Variants in OR7A5 observed in about 807,000 individuals in gnomAD.
OR7A5 encodes the protein olfactory receptor family 7 subfamily A member 5, also known as olfactory receptor 7A5.
For synonymous variants in OR7A5, 140 were observed against 146.7 expected (o/e 0.95, Z 0.33); for missense variants, 319 against 377.9 (o/e 0.84, Z 1.29).
At chr19:14,828,340 C>A in intron 1 of OR7A5, 86 bp from the exon 2 acceptor site, 1 of 1,290,890 alleles carries the variant, frequency 7.7e-7, no homozygotes. Context: ...TATTTTATAG[C>A]CAATAAATTA....
At chr19:14,831,763 ACTT>A (rs1270742463) in intron 1 of OR7A5, among the ~76,000 whole-genome samples, 1 of 150,864 alleles carries the variant, frequency 6.6e-6, no homozygotes, top group Non-Finnish European at 1.5e-5. Context: ...TTTTTTTGCT[ACTT>A]GTGGACTTTG....
chr19:14,831,725 G>A (rs149661959), intron 1 of OR7A5, among the ~76,000 whole-genome samples: 2,168 of 151,578 alleles, frequency 0.014, 25 homozygotes, highest in South Asian at 0.027. Flanking sequence ...TTACAGGCGT[G>A]AGCCACCGCG....
At position 14,826,516 on chromosome 19, in the gene OR7A5, A is replaced by C. The variant is rs1220400355; in HGVS notation, c.*766T>G. The C allele has an allele frequency of 1.3e-5, 2 of 152,154 alleles. No individual in the cohort carries two copies. The highest frequency in any genetic ancestry group is 2.9e-5 in the Non-Finnish European group (2 of 68,028). The allele number at this position is 152,154 out of a possible 1,614,324, so 9.4% of individuals were successfully genotyped here. A position where few individuals can be genotyped will look rare whatever the true frequency, so the allele number is the denominator to read the frequency against. ...ATCACTCCAATAAATAAACTTATATATGGGCACTAAGCTTCCATACTTCAA... is the reference window on the plus strand; with the variant it reads ...ATCACTCCAATAAATAAACTTATATCTGGGCACTAAGCTTCCATACTTCAA... On this transcript the variant is annotated 3_prime_UTR_variant, in exon 2 of 2. Coordinates refer to ENST00000322301, the MANE Select transcript of OR7A5 (RefSeq NM_017506.2).
At position 14,827,929 on chromosome 19, in the gene OR7A5, T is replaced by C. The variant is rs766919874; in HGVS notation, c.313A>G (p.Ile105Val). 23 of 1,614,046 alleles carry C rather than the reference T, an allele frequency of 1.4e-5. No homozygotes were observed. The highest frequency in any genetic ancestry group is 1.0e-5 in the Non-Finnish European group (12 of 1,180,038). Reference sequence around the variant, plus strand: ...AAGTTTTCAAATCCAGCAAAGAGTATGAAAAAATACATCTGCATGAGGCAG... The same window carrying C: ...AAGTTTTCAAATCCAGCAAAGAGTACGAAAAAATACATCTGCATGAGGCAG... ...IACLMQMYFF[I>V]LFAGFENFLL... Residue 105 changes from isoleucine (I) to valine (V), a missense_variant, in exon 2 of 2, where the codon ATA becomes GTA. Ile to Val is a conservative substitution (Grantham distance 29). Coordinates refer to ENST00000322301, the MANE Select transcript of OR7A5 (RefSeq NM_017506.2).
chr19:14,831,454 TA>T (rs1238187158), intron 1 of OR7A5, among the ~76,000 whole-genome samples: 1 of 152,050 alleles, frequency 6.6e-6, no homozygotes, highest in Non-Finnish European at 1.5e-5. Flanking sequence ...ATTTTATTAT[TA>T]TTTTTTTGAG....
chr19:14,828,980 A>G (rs1339847719), intron 1 of OR7A5, among the ~76,000 whole-genome samples: 1 of 152,140 alleles, frequency 6.6e-6, no homozygotes, highest in Admixed American at 6.6e-5. Context: ...TCAGATGGGA[A>G]CAGGCGCTTG....
At chr19:14,828,355 A>G in intron 1 of OR7A5, 101 bp from the exon 2 acceptor site, 1 of 1,212,664 alleles carries the variant, frequency 8.2e-7, no homozygotes, top group Non-Finnish European at 1.1e-6. Flanking sequence ...AAATTATCTT[A>G]CATTTTGTGT....
chr19:14,828,446 A>G, intron 1 of OR7A5, 192 bp from the exon 2 acceptor site: 2 of 636,868 alleles, frequency 3.1e-6, no homozygotes, highest in East Asian at 3.0e-5. Context: ...AACTGAAGAC[A>G]GCGTACATTC....
Position 14,828,068 on chromosome 19 carries a change from G to T in OR7A5, c.174C>A (p.Pro58=). The T allele has an allele frequency of 6.2e-7, 1 of 1,614,202 alleles. No individual in the cohort carries two copies. ...ACAGGTTGGAGAGGAAGAAGTACATGGGGGTGTGGAGGTGGGAGTCTGAGA... is the reference window on the plus strand; with the variant it reads ...ACAGGTTGGAGAGGAAGAAGTACATTGGGGTGTGGAGGTGGGAGTCTGAGA... ...ATISDSHLHT[P]MYFFLSNLSF... The change falls in exon 2 of 2, where the codon CCC becomes CCA. Residue 58 remains proline, a synonymous_variant. Coordinates refer to ENST00000322301, the MANE Select transcript of OR7A5 (RefSeq NM_017506.2).
At chr19:14,830,789 T>C (rs1216244383) in intron 1 of OR7A5, among the ~76,000 whole-genome samples, 2 of 152,096 alleles carry the variant, frequency 1.3e-5, no homozygotes, top group South Asian at 4.1e-4. Flanking sequence ...AAAGAGAAGA[T>C]AGATAAGCTC....
intron 1 of OR7A5, among the ~76,000 whole-genome samples, chr19:14,831,779 T>G (rs1216994108): frequency 6.6e-6 from 1 of 152,068 alleles, no homozygotes; most frequent in East Asian, 1.9e-4. Flanking sequence ...GGACTTTGAA[T>G]TTTGATCACT....
chr19:14,827,504 T>C lies in OR7A5; in HGVS notation c.738A>G (p.Ser246=). The C allele has an allele frequency of 3.7e-6, 6 of 1,614,048 alleles. No homozygotes were observed. The highest frequency in any genetic ancestry group is 5.1e-6 in the Non-Finnish European group (6 of 1,179,996). ...TTGCACCATAAAATAAGGAGACAAC[T>C]GAGAGGTGAGATGCACAGGTGGAAA... ...KAFSTCASHL[S]VVSLFYGAIL... is the part of the protein sequence containing the mutation. The change falls in exon 2 of 2, where the codon TCA becomes TCG. Residue 246 remains serine (S), a synonymous_variant. Coordinates refer to ENST00000322301, the MANE Select transcript of OR7A5 (RefSeq NM_017506.2).
chr19:14,830,636 TA>T (rs1486885223), intron 1 of OR7A5, among the ~76,000 whole-genome samples: 9 of 152,246 alleles, frequency 5.9e-5, no homozygotes, highest in Admixed American at 2.0e-4. Flanking sequence ...CAATAGTATT[TA>T]ATTATGTCGG....
chr19:14,828,612 A>G, intron 1 of OR7A5, among the ~76,000 whole-genome samples: 1 of 151,982 alleles, frequency 6.6e-6, no homozygotes, highest in Non-Finnish European at 1.5e-5. Context: ...TACAAAAATT[A>G]GCCTGGTGTA....
intron 1 of OR7A5, among the ~76,000 whole-genome samples, chr19:14,829,968 T>C (rs1382246901): frequency 6.6e-6 from 1 of 152,152 alleles, no homozygotes; most frequent in Non-Finnish European, 1.5e-5. Context: ...GCTCAAGCCA[T>C]CCTCCTGCCT....
chr19:14,826,350 G>A lies in OR7A5; in HGVS notation c.*932C>T, dbSNP rs1405999289. The A allele has an allele frequency of 1.3e-5, 2 of 152,140 alleles. No individual in the cohort carries two copies. The highest frequency in any genetic ancestry group is 2.4e-5 in the African/African-American group (1 of 41,428). 9.4% of individuals were successfully genotyped at this position (152,140 alleles called of 1,614,324 possible). A position where few individuals can be genotyped will look rare whatever the true frequency, so the allele number is the denominator to read the frequency against. On this transcript the variant is annotated 3_prime_UTR_variant, in exon 2 of 2. Coordinates refer to ENST00000322301, the MANE Select transcript of OR7A5 (RefSeq NM_017506.2). ...ATTGTTCACTGACCTGCACTTTAAT[G>A]TTTACGACAAAATTTTATAATGAAG... is the stretch of plus-strand genomic sequence containing the variant.
chr19:14,829,557 G>A (rs2044810837), intron 1 of OR7A5, among the ~76,000 whole-genome samples: 1 of 152,154 alleles, frequency 6.6e-6, no homozygotes, highest in Admixed American at 6.5e-5. Context: ...TGTGGCCAGG[G>A]AATCAGTAAG....
At chr19:14,830,871 C>A (rs564547895) in intron 1 of OR7A5, among the ~76,000 whole-genome samples, 1 of 152,134 alleles carries the variant, frequency 6.6e-6, no homozygotes, top group Non-Finnish European at 1.5e-5. Context: ...TTCCTGCACC[C>A]GTCTTATCAC....
In OR7A5 at chr19:14,827,880, T is replaced by C. The variant is rs542586489; in HGVS notation, c.362A>G (p.Asp121Gly). ...ENFLLSVMAY[D>G]RFVAICHPLH... ...GGGGTGACAGATGGCCACAAACCGGTCATAGGCCATCACGGACAGGAGGAA... is the reference window on the plus strand; with the variant it reads ...GGGGTGACAGATGGCCACAAACCGGCCATAGGCCATCACGGACAGGAGGAA... Residue 121 changes from aspartate to glycine, a missense_variant, in exon 2 of 2, where the codon GAC becomes GGC. Physicochemically the swap from Asp to Gly is moderately conservative, Grantham distance 94. Transcript: ENST00000322301. 3.1e-6 allele frequency: 5 copies of C among 1,614,144 alleles called. No homozygotes were observed. The South Asian group carries it at 4.4e-5, about 14-fold the overall frequency.
Sources: gnomAD v4.1 joint callset for allele counts (sites outside exome capture counted in the v4.1 genomes callset) on GRCh38, gnomAD v4.1.1 for gene constraint, MANE v1.5 for transcripts, NCBI Gene and HGNC (gene_info 2026-07-23, HGNC 2026-07-21) for gene names.